The following OR51B5 variants were observed in gnomAD, a reference collection of about 807,000 sequenced individuals.
OR51B5 encodes olfactory receptor family 51 subfamily B member 5.
For synonymous variants in OR51B5, 186 were observed against 144.8 expected (o/e 1.28, Z -2.04); for missense variants, 456 against 374.6 (o/e 1.22, Z -1.79).
At chr11:5,343,816 TACAA>T, upstream of OR51B5, among the ~76,000 whole-genome samples, 1 of 152,238 alleles carries the variant, frequency 6.6e-6, no homozygotes, top group South Asian at 2.1e-4. Context: ...TTATGTAAAC[TACAA>T]CTTCTAAACT....
chr11:5,368,986 G>A lies in OR51B5; in HGVS notation n.85-22076C>T, dbSNP rs1370414513. Among the ~76,000 whole-genome samples, 3 of 152,078 alleles carry A rather than the reference G, an allele frequency of 2.0e-5. No homozygotes were observed. In the East Asian group the frequency reaches 5.8e-4, roughly 29 times the overall value. ...CCCAAGAAGCCTAAATTGTGTGTCA[G>A]CCAACTAGATGTGGACAAGATAGTT... On this transcript the variant is annotated intron_variant and non_coding_transcript_variant, in intron 1 of 4. Transcript: ENST00000415970.
At chr11:5,358,922 G>C (rs963282732) in intron 1 of OR51B5, among the ~76,000 whole-genome samples, 1 of 151,462 alleles carries the variant, frequency 6.6e-6, no homozygotes, top group African/African-American at 2.4e-5. Flanking sequence ...ATGCAGAAAA[G>C]GCCTTTGACA....
Position 5,452,342 on chromosome 11 carries a change from A to T in OR51B5, n.84+53227T>A, listed in dbSNP as rs894514573. On this transcript the variant is annotated intron_variant and non_coding_transcript_variant, in intron 1 of 4. Transcript: ENST00000415970. ...ACACGGTGAAACCCCGTCTCTACTA[A>T]AACTACAAAAAAAATTAGCCGGGCA... is the stretch of plus-strand genomic sequence containing the variant. Among the ~76,000 whole-genome samples, 14 of 151,908 alleles carry T rather than the reference A, an allele frequency of 9.2e-5. 1 individual carries two copies. Among genetic ancestry groups the T allele is most frequent in the Middle Eastern group, 3.4e-3 (1 of 294 alleles).
At chr11:5,374,292 TAACA>T (rs1248094917) in intron 1 of OR51B5, among the ~76,000 whole-genome samples, 1 of 152,028 alleles carries the variant, frequency 6.6e-6, no homozygotes, top group Non-Finnish European at 1.5e-5. Flanking sequence ...GAAGGAAAAC[TAACA>T]AACAGAAAGG....
At chr11:5,454,402 G>A (rs781014667) in intron 1 of OR51B5, 42 of 1,606,454 alleles carry the variant, frequency 2.6e-5, no homozygotes, top group Admixed American at 5.0e-5. Flanking sequence ...GCCATTTTCC[G>A]CATGTTTCAC....
chr11:5,446,217 A>G (rs1049707385), intron 1 of OR51B5, among the ~76,000 whole-genome samples: 2 of 152,110 alleles, frequency 1.3e-5, no homozygotes, highest in African/African-American at 4.8e-5. Context: ...ACAAACCTGC[A>G]CTTTGTGCAC....
intron 1 of OR51B5, among the ~76,000 whole-genome samples, chr11:5,471,077 T>G (rs1851221141): frequency 6.6e-6 from 1 of 152,346 alleles, no homozygotes; most frequent in East Asian, 1.9e-4. Flanking sequence ...ATCATTCATT[T>G]CATTTCTTCT....
At chr11:5,396,815 T>C (rs1328015172) in intron 1 of OR51B5, among the ~76,000 whole-genome samples, 1 of 152,136 alleles carries the variant, frequency 6.6e-6, no homozygotes, top group Non-Finnish European at 1.5e-5. Flanking sequence ...ACTACAAGGC[T>C]ACAGTAACCA....
chr11:5,415,478 A>C (rs1038438252), intron 1 of OR51B5, among the ~76,000 whole-genome samples: 34 of 151,900 alleles, frequency 2.2e-4, no homozygotes, highest in African/African-American at 8.2e-4. Context: ...AAAATTAATG[A>C]ATCCAGGAGC....
intron 1 of OR51B5, among the ~76,000 whole-genome samples, chr11:5,439,599 T>C (rs115846712): frequency 1.9e-3 from 282 of 152,318 alleles, no homozygotes; most frequent in African/African-American, 5.5e-3. Flanking sequence ...TCACTCCTGA[T>C]AGTTTTTTGT....
chr11:5,393,886 A>G (rs1849831860), intron 1 of OR51B5, among the ~76,000 whole-genome samples: 1 of 151,770 alleles, frequency 6.6e-6, no homozygotes, highest in South Asian at 2.1e-4. Context: ...ATTATGCTGG[A>G]CTCCTCTCCA....
chr11:5,398,680 A>G (rs1028680791), intron 1 of OR51B5, among the ~76,000 whole-genome samples: 1 of 149,456 alleles, frequency 6.7e-6, no homozygotes, highest in Non-Finnish European at 1.5e-5. Context: ...GGATCATGGG[A>G]GCAGTTTCCC....
At chr11:5,353,720 G>A (rs1045224492) in intron 1 of OR51B5, among the ~76,000 whole-genome samples, 1 of 152,120 alleles carries the variant, frequency 6.6e-6, no homozygotes, top group Admixed American at 6.5e-5. Flanking sequence ...TACACAAGGG[G>A]CCACCCAGTG....
intron 1 of OR51B5, among the ~76,000 whole-genome samples, chr11:5,420,324 T>C (rs1197647830): frequency 4.6e-5 from 7 of 152,096 alleles, no homozygotes; most frequent in Non-Finnish European, 8.8e-5. Flanking sequence ...ATTTCTCTGT[T>C]ATTTTGAAAG....
intron 1 of OR51B5, among the ~76,000 whole-genome samples, chr11:5,434,668 T>C (rs765799936): frequency 3.3e-5 from 5 of 152,156 alleles, no homozygotes; most frequent in African/African-American, 1.2e-4. Flanking sequence ...AGTGAAAAGA[T>C]TGGCAACGTC....
At chr11:5,459,932 T>C (rs190469520) in intron 1 of OR51B5, among the ~76,000 whole-genome samples, 2 of 152,178 alleles carry the variant, frequency 1.3e-5, no homozygotes, top group Non-Finnish European at 2.9e-5. Flanking sequence ...CATGTGTATG[T>C]TCACTGCAGC....
At chr11:5,467,884 G>C (rs142916241) in intron 1 of OR51B5, among the ~76,000 whole-genome samples, 76 of 152,290 alleles carry the variant, frequency 5.0e-4, no homozygotes, top group Middle Eastern at 3.4e-3. Context: ...CCTCTCTGTA[G>C]TCATGCCCAA....
At chr11:5,379,941 C>A (rs1049866182) in intron 1 of OR51B5, among the ~76,000 whole-genome samples, 3 of 151,676 alleles carry the variant, frequency 2.0e-5, no homozygotes, top group Admixed American at 6.6e-5. Flanking sequence ...ATGCAACCGC[C>A]CGATCTTGGA....
At chr11:5,340,993 C>A (rs182457942), downstream of OR51B5, 2 of 152,244 alleles carry the variant, frequency 1.3e-5, 1 homozygote, top group Admixed American at 1.3e-4. Flanking sequence ...CTGTGTTGCT[C>A]AGGTGACATG....
Sources: gnomAD v4.1 joint callset for allele counts (sites outside exome capture counted in the v4.1 genomes callset) on GRCh38, gnomAD v4.1.1 for gene constraint, MANE v1.5 for transcripts, NCBI Gene and HGNC (gene_info 2026-07-23, HGNC 2026-07-21) for gene names.